JMJD1C: variants seen among roughly 807,000 people sequenced by gnomAD.
The protein encoded by JMJD1C is jumonji domain-containing protein 1C.
In JMJD1C, 31 loss-of-function variants were observed where a neutral mutation model predicts 245.3. The observed-to-expected ratio is 0.13, with a 90% CI of 0.09 to 0.17. The LOEUF (loss-of-function observed/expected upper bound fraction) is 0.17, where lower values mean the gene tolerates loss of function less well. JMJD1C is among the 10% of genes least tolerant of loss of function. JMJD1C has a pLI of 1.00. For missense variants in JMJD1C, 2,691 were observed against 3,000.2 expected (o/e 0.90, Z 2.41); for synonymous variants, 1,057 against 1,017.4 (o/e 1.04, Z -0.74).
intron 2 of JMJD1C, among the ~76,000 whole-genome samples, chr10:63,329,009 C>A (rs752665944): frequency 1.3e-5 from 2 of 152,096 alleles, no homozygotes; most frequent in African/African-American, 2.4e-5. Flanking sequence ...TGGCCAGGTG[C>A]CCTGGTTCAT....
intron 2 of JMJD1C, among the ~76,000 whole-genome samples, chr10:63,362,122 C>T (rs539639673): frequency 2.1e-4 from 32 of 151,864 alleles, no homozygotes; most frequent in African/African-American, 7.2e-4. Context: ...GTAATCCCAG[C>T]TACTAGGGGT....
At chr10:63,397,409 C>G (rs2132553424) in intron 1 of JMJD1C, among the ~76,000 whole-genome samples, 1 of 152,204 alleles carries the variant, frequency 6.6e-6, no homozygotes, top group South Asian at 2.1e-4. Flanking sequence ...GACGGAGTTT[C>G]TCCTTGTTGG....
chr10:63,472,934 G>A (rs1279462189), intron 1 of JMJD1C, among the ~76,000 whole-genome samples: 3 of 151,666 alleles, frequency 2.0e-5, no homozygotes, highest in Non-Finnish European at 4.4e-5. Context: ...ACAGGCGAGC[G>A]CCACCACGCC....
chr10:63,296,333 A>C (rs1023029281), intron 2 of JMJD1C, among the ~76,000 whole-genome samples: 1 of 152,046 alleles, frequency 6.6e-6, no homozygotes, highest in African/African-American at 2.4e-5. Context: ...ATTAATATTG[A>C]GATCACGAAC....
intron 1 of JMJD1C, among the ~76,000 whole-genome samples, chr10:63,516,146 T>C (rs374678050): frequency 1.3e-5 from 2 of 152,032 alleles, no homozygotes; most frequent in African/African-American, 4.8e-5. Context: ...TACTGAATAA[T>C]TCCATCGTGT....
chr10:63,235,857 T>G (rs980467066), intron 3 of JMJD1C, among the ~76,000 whole-genome samples: 4 of 152,216 alleles, frequency 2.6e-5, no homozygotes, highest in Admixed American at 6.5e-5. Flanking sequence ...TTTCAATAAC[T>G]TACCTACATT....
At chr10:63,326,570 G>T (rs941007617) in intron 2 of JMJD1C, among the ~76,000 whole-genome samples, 1 of 151,418 alleles carries the variant, frequency 6.6e-6, no homozygotes. Context: ...ATTGGACACT[G>T]ACACATTACT....
At chr10:63,416,147 A>C (rs1949788551) in intron 1 of JMJD1C, among the ~76,000 whole-genome samples, 1 of 152,164 alleles carries the variant, frequency 6.6e-6, no homozygotes, top group African/African-American at 2.4e-5. Context: ...AAGCCAACCA[A>C]AGACGATACT....
intron 1 of JMJD1C, among the ~76,000 whole-genome samples, chr10:63,494,887 A>T (rs1237574006): frequency 6.6e-6 from 1 of 152,178 alleles, no homozygotes; most frequent in Non-Finnish European, 1.5e-5. Context: ...TCTCAAAAGT[A>T]CCTTCACTTT....
At chr10:63,243,825 C>A (rs1403656681) in intron 3 of JMJD1C, among the ~76,000 whole-genome samples, 1 of 152,084 alleles carries the variant, frequency 6.6e-6, no homozygotes, top group Non-Finnish European at 1.5e-5. Flanking sequence ...AGTGAAAAAA[C>A]CAGAAGCAGA....
intron 2 of JMJD1C, among the ~76,000 whole-genome samples, chr10:63,375,238 G>A (rs895077791): frequency 2.2e-5 from 3 of 136,544 alleles, no homozygotes; most frequent in African/African-American, 8.3e-5. Flanking sequence ...CCAGGCTGGA[G>A]TGCCCTGGTG....
At chr10:63,390,909 C>T (rs1456462028) in intron 1 of JMJD1C, among the ~76,000 whole-genome samples, 1 of 152,120 alleles carries the variant, frequency 6.6e-6, no homozygotes, top group African/African-American at 2.4e-5. Flanking sequence ...GGAAAACTGA[C>T]AACCTTCCCT....
intron 1 of JMJD1C, among the ~76,000 whole-genome samples, chr10:63,426,101 C>CTGG (rs1950424826): frequency 1.3e-5 from 2 of 152,062 alleles, no homozygotes; most frequent in Non-Finnish European, 2.9e-5. Flanking sequence ...CTTGCCAGGC[C>CTGG]TGGTGGCTCA....
intron 2 of JMJD1C, among the ~76,000 whole-genome samples, chr10:63,373,503 C>A (rs184931572): frequency 1.2e-4 from 18 of 152,226 alleles, no homozygotes; most frequent in Admixed American, 1.2e-3. Flanking sequence ...CCACTAATTT[C>A]TAGGTATAAG....
intron 3 of JMJD1C, among the ~76,000 whole-genome samples, chr10:63,242,910 A>G (rs957572429): frequency 2.6e-5 from 4 of 151,884 alleles, no homozygotes; most frequent in African/African-American, 9.7e-5. Flanking sequence ...CAATGATATC[A>G]TACCTATTTT....
chr10:63,284,643 A>G (rs1253579547), intron 2 of JMJD1C, among the ~76,000 whole-genome samples: 2 of 152,220 alleles, frequency 1.3e-5, no homozygotes, highest in African/African-American at 2.4e-5. Flanking sequence ...AAACATCATT[A>G]AACTTCGAAA....
chr10:63,185,684 G>A (rs1844047401), intron 19 of JMJD1C, 31 bp from the exon 20 acceptor site: 1 of 1,211,206 alleles, frequency 8.3e-7, no homozygotes, highest in Non-Finnish European at 1.2e-6. Context: ...TACTAAAAGG[G>A]TAATTTCTGC....
intron 1 of JMJD1C, among the ~76,000 whole-genome samples, chr10:63,471,813 G>A (rs774640484): frequency 7.2e-5 from 11 of 152,272 alleles, no homozygotes; most frequent in East Asian, 1.9e-4. Flanking sequence ...TGAGTGGGGC[G>A]GATCACCTGA....
intron 1 of JMJD1C, among the ~76,000 whole-genome samples, chr10:63,517,799 T>A (rs1589847465): frequency 7.0e-6 from 1 of 142,178 alleles, no homozygotes; most frequent in African/African-American, 2.6e-5. Flanking sequence ...TTTTTTTTTT[T>A]TTTTTTTTTT....
Sources: allele counts gnomAD v4.1 joint callset (sites outside exome capture counted in the v4.1 genomes callset), GRCh38; gene constraint gnomAD v4.1.1; transcripts MANE v1.5; gene names NCBI Gene and HGNC (gene_info 2026-07-23, HGNC 2026-07-21).